ADAM12: variants seen among roughly 807,000 people sequenced by gnomAD.
ADAM12 encodes the protein disintegrin and metalloproteinase domain-containing protein 12.
ADAM12 carries 70 observed loss-of-function variants against 106.4 expected under a neutral mutation model. The ratio of observed to expected loss-of-function variants is 0.66; its 90% confidence interval spans 0.54 to 0.80. The LOEUF (loss-of-function observed/expected upper bound fraction) is 0.80, where lower values mean the gene tolerates loss of function less well. ADAM12 is among the 30% of genes least tolerant of loss of function. The pLI, the probability that ADAM12 is intolerant of heterozygous loss-of-function variation, is 0.00. For synonymous variants in ADAM12, 420 were observed against 433.5 expected (o/e 0.97, Z 0.39); for missense variants, 1,010 against 1,171.9 (o/e 0.86, Z 2.02).
At position 126,067,887 on chromosome 10, in the gene ADAM12, C is replaced by T. The variant is rs1245482796; in HGVS notation, c.1324-1081G>A. On this transcript the variant is annotated intron_variant, in intron 12 of 22. Coordinates refer to ENST00000448723, the MANE Select transcript of ADAM12 (RefSeq NM_001288973.2). ...AACCATCTTTCTTGAATGGATTTAT[C>T]ATGAGTTTTATAAATGCAATTAATA... Among the ~76,000 whole-genome samples, 5 of 152,092 alleles carry T rather than the reference C, an allele frequency of 3.3e-5. No individual in the cohort carries two copies. The South Asian group carries it at 1.0e-3, about 32-fold the overall frequency.
chr10:126,212,023 C>T (rs1036504469), intron 3 of ADAM12, among the ~76,000 whole-genome samples: 12 of 152,158 alleles, frequency 7.9e-5, no homozygotes, highest in African/African-American at 2.9e-4. Flanking sequence ...AAGGACTTAC[C>T]TGGGGTTTCA....
Position 126,187,142 on chromosome 10 carries a change from T to C in ADAM12, c.261-31837A>G, listed in dbSNP as rs143911463. On this transcript the variant is annotated intron_variant, in intron 3 of 22. Transcript: ENST00000448723. ...CCAACGTTTAGGTGCTGTTTATATA[T>C]AAAAATCTCTGTATCGTGGGAATTA... Among the ~76,000 whole-genome samples, 695 of 152,292 alleles carry C rather than the reference T, an allele frequency of 4.6e-3. 1 individual carries two copies. The highest frequency in any genetic ancestry group is 0.014 in the African/African-American group (562 of 41,558).
At chr10:126,255,120 G>A (rs1958865739) in intron 3 of ADAM12, among the ~76,000 whole-genome samples, 1 of 152,160 alleles carries the variant, frequency 6.6e-6, no homozygotes, top group Non-Finnish European at 1.5e-5. Context: ...GACTTGTCCT[G>A]CAATGCCACC....
chr10:126,295,476 T>C (rs1396277627), intron 2 of ADAM12, among the ~76,000 whole-genome samples: 1 of 152,122 alleles, frequency 6.6e-6, no homozygotes, highest in Non-Finnish European at 1.5e-5. Context: ...AAAACACTAC[T>C]GTTCTTACAA....
At chr10:126,318,398 A>G (rs1420132274) in intron 2 of ADAM12, among the ~76,000 whole-genome samples, 1 of 143,008 alleles carries the variant, frequency 7.0e-6, no homozygotes, top group Non-Finnish European at 1.6e-5. Context: ...TCACTCTGTC[A>G]TACACAAACA....
intron 5 of ADAM12, among the ~76,000 whole-genome samples, chr10:126,131,039 T>G (rs146283858): frequency 3.8e-4 from 57 of 151,942 alleles, no homozygotes; most frequent in Middle Eastern, 3.4e-3. Flanking sequence ...AATTGGGAAT[T>G]TCTTCATAAT....
chr10:126,326,492 AC>A, intron 2 of ADAM12, among the ~76,000 whole-genome samples: 1 of 152,172 alleles, frequency 6.6e-6, no homozygotes, highest in East Asian at 1.9e-4. Flanking sequence ...GGCAAGTCCA[AC>A]AAACTTTCCC....
intron 1 of ADAM12, among the ~76,000 whole-genome samples, chr10:126,372,652 A>G (rs140601672): frequency 1.3e-5 from 2 of 152,346 alleles, no homozygotes; most frequent in East Asian, 1.9e-4. Flanking sequence ...ACTGAAGTCC[A>G]TAAGAGAAGC....
intron 4 of ADAM12, among the ~76,000 whole-genome samples, chr10:126,142,375 G>A (rs1232218272): frequency 6.6e-6 from 1 of 152,192 alleles, no homozygotes; most frequent in South Asian, 2.1e-4. Context: ...ATTCCTTATG[G>A]GAAATGAATG....
chr10:126,098,496 C>A lies in ADAM12; in HGVS notation c.916G>T (p.Val306Phe). The change falls in exon 10 of 23, where the codon GTT becomes TTT. Residue 306 changes from valine to phenylalanine, a missense_variant. Around this residue, in one of 3 missense-constraint regions of ADAM12, gnomAD observed 391 missense variants for 442.9 expected, o/e 0.88. Coordinates refer to ENST00000448723, the MANE Select transcript of ADAM12 (RefSeq NM_001288973.2). The stretch of plus-strand genomic sequence containing the variant: ...CCGATGGTGGTCCCTTGGAAATAAA[C>A]CCCACTAGGAAATAAAAGAGAGGAC... ...SHDNAQLVSG[V>F]YFQGTTIGMA... The A allele has an allele frequency of 1.2e-6, 2 of 1,613,268 alleles. No homozygotes were observed. Among genetic ancestry groups the A allele is most frequent in the South Asian group, 1.1e-5 (1 of 91,064 alleles).
chr10:126,084,616 A>G (rs1414995018), intron 11 of ADAM12, among the ~76,000 whole-genome samples: 2 of 152,214 alleles, frequency 1.3e-5, no homozygotes, highest in Non-Finnish European at 2.9e-5. Context: ...ACATGATAGA[A>G]AAAGCAGTCA....
chr10:126,184,676 G>A (rs919561236), intron 3 of ADAM12, among the ~76,000 whole-genome samples: 5 of 152,092 alleles, frequency 3.3e-5, no homozygotes, highest in South Asian at 2.1e-4. Flanking sequence ...CCTTTCCGAC[G>A]GCTGCCACGC....
At chr10:126,341,449 T>C (rs1735836028) in intron 1 of ADAM12, among the ~76,000 whole-genome samples, 1 of 152,078 alleles carries the variant, frequency 6.6e-6, no homozygotes, top group African/African-American at 2.4e-5. Flanking sequence ...CTCTGATGAG[T>C]GATTGACTTT....
At position 126,057,660 on chromosome 10, in the gene ADAM12, G is replaced by T. The variant is rs1451185416; in HGVS notation, c.1609+7146C>A. Among the ~76,000 whole-genome samples the T allele has an allele frequency of 7.2e-5, 11 of 152,286 alleles. 1 individual carries two copies. The South Asian group carries it at 2.3e-3, about 32-fold the overall frequency. On this transcript the variant is annotated intron_variant, in intron 14 of 22. Transcript: ENST00000448723. ...GGCCACTTCCTGGGGCCAGGGAGCT[G>T]CCAGCTAGTGGTCGCCAGAGTGATT... is the stretch of plus-strand genomic sequence containing the variant.
intron 2 of ADAM12, among the ~76,000 whole-genome samples, chr10:126,293,064 C>T (rs906362140): frequency 3.9e-5 from 6 of 152,186 alleles, no homozygotes; most frequent in Non-Finnish European, 8.8e-5. Flanking sequence ...TGTTGCTCGA[C>T]CAAGTTTCAC....
chr10:126,377,873 T>A (rs1239569059), intron 1 of ADAM12, among the ~76,000 whole-genome samples: 1 of 152,256 alleles, frequency 6.6e-6, no homozygotes, highest in Non-Finnish European at 1.5e-5. Flanking sequence ...ATACAAGAAA[T>A]AAAAATTAAA....
intron 3 of ADAM12, among the ~76,000 whole-genome samples, chr10:126,215,104 C>T (rs1957964659): frequency 6.6e-6 from 1 of 152,212 alleles, no homozygotes; most frequent in Admixed American, 6.5e-5. Context: ...CCAGCCTCCC[C>T]ATACCCACAC....
At chr10:126,222,899 C>A (rs1189878664) in intron 3 of ADAM12, among the ~76,000 whole-genome samples, 3 of 152,130 alleles carry the variant, frequency 2.0e-5, no homozygotes, top group African/African-American at 7.2e-5. Flanking sequence ...AATGCGTAGT[C>A]CAATTTCTTG....
At chr10:126,151,610 C>T (rs895350026) in intron 4 of ADAM12, among the ~76,000 whole-genome samples, 59 of 152,050 alleles carry the variant, frequency 3.9e-4, no homozygotes, top group African/African-American at 1.3e-3. Context: ...CCTTCCACAC[C>T]CTCCTTTAAA....
Sources: gnomAD v4.1 joint callset for allele counts (sites outside exome capture counted in the v4.1 genomes callset) on GRCh38, gnomAD v4.1.1 for gene constraint, gnomAD v4.1.1 regional missense constraint, MANE v1.5 for transcripts, NCBI Gene and HGNC (gene_info 2026-07-23, HGNC 2026-07-21) for gene names.